Variants in ABHD18 observed in about 807,000 individuals in gnomAD.
The protein encoded by ABHD18 is cardiolipin-specific deacylase, mitochondrial.
Under a neutral mutation model 65.9 loss-of-function variants are expected in ABHD18, and 55 were observed. The ratio of observed to expected loss-of-function variants is 0.84; its 90% CI spans 0.67 to 1.05. The LOEUF (loss-of-function observed/expected upper bound fraction) is 1.05, where lower values mean the gene tolerates loss of function less well. ABHD18 is among the 50% of genes least tolerant of loss of function. ABHD18 has a pLI of 0.00. For missense variants in ABHD18, 533 were observed against 558.5 expected (o/e 0.95, Z 0.46); for synonymous variants, 181 against 180.2 (o/e 1.00, Z -0.04).
At chr4:128,027,849 AT>A (rs546473145) in intron 10 of ABHD18, among the ~76,000 whole-genome samples, 22 of 152,294 alleles carry the variant, frequency 1.4e-4, no homozygotes, top group African/African-American at 5.3e-4. Context: ...AACTTTGGCT[AT>A]AAAAAAAAAT....
chr4:128,039,859 G>A lies in ABHD18; in HGVS notation c.*4046G>A, dbSNP rs936618227. The A allele has an allele frequency of 3.3e-5, 5 of 151,994 alleles. No homozygotes were observed. The highest frequency in any genetic ancestry group is 7.4e-5 in the Non-Finnish European group (5 of 68,014). 9.4% of individuals were successfully genotyped at this position (151,994 alleles called of 1,614,324 possible). A position where few individuals can be genotyped will look rare whatever the true frequency, so the allele number is the denominator to read the frequency against. The stretch of plus-strand genomic sequence containing the variant: ...AGGTAAGACAGAAATAAGCAAGGGA[G>A]GCTCTAGCAGAACAGTATCAGTATC... On this transcript the variant is annotated 3_prime_UTR_variant, in exon 13 of 13. Transcript: ENST00000645843.
At chr4:127,968,165 G>C (rs932167329) in intron 1 of ABHD18, among the ~76,000 whole-genome samples, 17 of 152,212 alleles carry the variant, frequency 1.1e-4, no homozygotes, top group African/African-American at 4.1e-4. Flanking sequence ...AGCCGAGATT[G>C]CGCCACTGCA....
chr4:127,975,815 A>G (rs113323540), intron 1 of ABHD18, among the ~76,000 whole-genome samples: 26 of 152,006 alleles, frequency 1.7e-4, no homozygotes, highest in African/African-American at 5.8e-4. Context: ...TATTTATTTT[A>G]CTTTATTTTA....
rs1460841309 is a variant in ABHD18 at position 128,036,053 on chromosome 4, AT to A, written c.*241del. On this transcript the variant is annotated 3_prime_UTR_variant, in exon 13 of 13. Coordinates refer to ENST00000645843, the MANE Select transcript of ABHD18 (RefSeq NM_001358451.3). ...TTACTATTGTTTATTGGAATCCCATATATTCAGTGTTTAGTCTGTTGTTACT... is the reference window on the plus strand; with the variant it reads ...TTACTATTGTTTATTGGAATCCCATAATTCAGTGTTTAGTCTGTTGTTACT... 41 of 337,860 alleles carry A rather than the reference AT, an allele frequency of 1.2e-4. No individual in the cohort carries two copies. The Admixed American group carries it at 1.7e-3, about 14-fold the overall frequency. 20.9% of individuals were successfully genotyped at this position (337,860 alleles called of 1,614,324 possible).
In ABHD18 at chr4:127,997,215, T is replaced by C. The variant is rs572377156; in HGVS notation, c.278+7394T>C. ...ATAAATGTCCATGAAATCTTCACAA[T>C]TTATGTTCTTCGCCTTGGCTCCAGC... On this transcript the variant is annotated intron_variant, in intron 4 of 12. Coordinates refer to ENST00000645843, the MANE Select transcript of ABHD18 (RefSeq NM_001358451.3). Among the ~76,000 whole-genome samples the C allele has an allele frequency of 7.9e-5, 12 of 152,374 alleles. No homozygotes were observed. The South Asian group carries it at 2.5e-3, about 32-fold the overall frequency.
At chr4:128,033,522 G>GTTTTTTTT (rs1332219376) in intron 12 of ABHD18, among the ~76,000 whole-genome samples, 2 of 132,738 alleles carry the variant, frequency 1.5e-5, no homozygotes, top group African/African-American at 5.6e-5. Flanking sequence ...TTCAAAGATA[G>GTTTTTTTT]TCTTTTTTTT....
chr4:127,994,651 A>G (rs539233873), intron 4 of ABHD18, among the ~76,000 whole-genome samples: 12 of 152,330 alleles, frequency 7.9e-5, no homozygotes, highest in African/African-American at 2.4e-4. Context: ...TTATGGTAAC[A>G]TGGCATAGTT....
At chr4:127,992,112 A>T (rs1021870528) in intron 4 of ABHD18, among the ~76,000 whole-genome samples, 4 of 152,172 alleles carry the variant, frequency 2.6e-5, no homozygotes, top group African/African-American at 9.7e-5. Context: ...AATTACTTAA[A>T]CTCTGAACCA....
chr4:128,006,582 A>T (rs1037817135), intron 4 of ABHD18, among the ~76,000 whole-genome samples: 1 of 152,200 alleles, frequency 6.6e-6, no homozygotes, highest in Non-Finnish European at 1.5e-5. Context: ...TTGAGGTTTT[A>T]TGTTGCCTAA....
rs941519826 is a variant in ABHD18 at position 128,021,242 on chromosome 4, A to T, written c.801+4A>T. The T allele has an allele frequency of 2.0e-5, 30 of 1,479,820 alleles. No homozygotes were observed. The highest frequency in any genetic ancestry group is 2.1e-5 in the Non-Finnish European group (23 of 1,085,014). 91.7% of individuals were successfully genotyped at this position (1,479,820 alleles called of 1,614,324 possible). A position where few individuals can be genotyped will look rare whatever the true frequency, so the allele number is the denominator to read the frequency against. On this transcript the variant is annotated splice_donor_region_variant and intron_variant, in intron 10 of 12. Coordinates refer to ENST00000645843, the MANE Select transcript of ABHD18 (RefSeq NM_001358451.3). ...TCACATGCTTGAATACTGTGGAGTA[A>T]GTATTTCACTTTCCACCCAACATTG...
chr4:128,037,625 A>G lies in ABHD18; in HGVS notation c.*1812A>G, dbSNP rs1758999926. 6.6e-6 allele frequency: 1 copy of G among 152,154 alleles called. No individual in the cohort carries two copies. The highest frequency in any genetic ancestry group is 1.5e-5 in the Non-Finnish European group (1 of 68,026). 9.4% of individuals were successfully genotyped at this position (152,154 alleles called of 1,614,324 possible). A position where few individuals can be genotyped will look rare whatever the true frequency, so the allele number is the denominator to read the frequency against. ...AGTGCTGGGATTATAGGTTTGAGCC[A>G]CCACACCCGACCTGACATTTTATTT... is the stretch of plus-strand genomic sequence containing the variant. On this transcript the variant is annotated 3_prime_UTR_variant, in exon 13 of 13. Transcript: ENST00000645843.
chr4:128,000,794 C>A (rs1752521286), intron 4 of ABHD18, among the ~76,000 whole-genome samples: 1 of 152,146 alleles, frequency 6.6e-6, no homozygotes, highest in African/African-American at 2.4e-5. Flanking sequence ...TTGTTTATGT[C>A]ATCTCTGATT....
At chr4:128,028,064 A>G (rs1010321348) in intron 10 of ABHD18, among the ~76,000 whole-genome samples, 3 of 152,210 alleles carry the variant, frequency 2.0e-5, no homozygotes, top group Non-Finnish European at 4.4e-5. Flanking sequence ...TTGTGCAACC[A>G]TCACCACCAT....
chr4:127,979,634 G>A (rs1377409153), intron 1 of ABHD18, among the ~76,000 whole-genome samples: 1 of 152,044 alleles, frequency 6.6e-6, no homozygotes, highest in Non-Finnish European at 1.5e-5. Flanking sequence ...TAACAATGGC[G>A]GCCGGGCGCA....
chr4:127,973,959 A>G (rs947804176), intron 1 of ABHD18, among the ~76,000 whole-genome samples: 8 of 151,986 alleles, frequency 5.3e-5, no homozygotes, highest in African/African-American at 1.9e-4. Flanking sequence ...AATGAAGCCC[A>G]GCTGACACCT....
chr4:127,997,105 G>C (rs1417482066), intron 4 of ABHD18, among the ~76,000 whole-genome samples: 1 of 152,174 alleles, frequency 6.6e-6, no homozygotes, highest in Non-Finnish European at 1.5e-5. Flanking sequence ...AGTGATAAAC[G>C]TCCATGAAAT....
chr4:128,033,830 C>G lies in ABHD18; in HGVS notation c.1344-1932C>G, dbSNP rs1298942895. Among the ~76,000 whole-genome samples, 3 of 151,926 alleles carry G rather than the reference C, an allele frequency of 2.0e-5. No homozygotes were observed. The East Asian group carries it at 5.8e-4, about 29-fold the overall frequency. Reference sequence around the variant, plus strand: ...GGATTACAGGCGTGAGCCACCGCACCCGGCTAAAGACAGTCTTAATAGCTG... The same window carrying G: ...GGATTACAGGCGTGAGCCACCGCACGCGGCTAAAGACAGTCTTAATAGCTG... On this transcript the variant is annotated intron_variant, in intron 12 of 12. Transcript: ENST00000645843.
chr4:128,012,352 C>A (rs1754723331), intron 7 of ABHD18, among the ~76,000 whole-genome samples: 1 of 152,146 alleles, frequency 6.6e-6, no homozygotes, highest in Non-Finnish European at 1.5e-5. Flanking sequence ...TATAGAAAAT[C>A]TGAAGATAAA....
At chr4:127,992,823 C>G (rs1046362380) in intron 4 of ABHD18, among the ~76,000 whole-genome samples, 1 of 152,116 alleles carries the variant, frequency 6.6e-6, no homozygotes, top group Non-Finnish European at 1.5e-5. Context: ...AGATTACAGA[C>G]TTGAGCCACT....
Sources: gnomAD v4.1 joint callset for allele counts (sites outside exome capture counted in the v4.1 genomes callset) on GRCh38, gnomAD v4.1.1 for gene constraint, MANE v1.5 for transcripts, NCBI Gene and HGNC (gene_info 2026-07-23, HGNC 2026-07-21) for gene names.